The following PNLIPRP3 variants were observed in gnomAD, a reference collection of about 807,000 sequenced individuals.
The protein encoded by PNLIPRP3 is pancreatic lipase related protein 3.
PNLIPRP3 carries 58 observed loss-of-function variants against 52.8 expected under a neutral mutation model. The ratio of observed to expected loss-of-function variants is 1.10; its 90% CI spans 0.89 to 1.37. The LOEUF (loss-of-function observed/expected upper bound fraction) is 1.37. PNLIPRP3 is among the 40% of genes most tolerant of loss of function. PNLIPRP3 has a pLI of 0.00. For synonymous variants in PNLIPRP3, 192 were observed against 185.0 expected (o/e 1.04, Z -0.31); for missense variants, 593 against 561.6 (o/e 1.06, Z -0.57).
Position 116,445,071 on chromosome 10 carries a change from G to C in PNLIPRP3, c.456+558G>C, listed in dbSNP as rs548061875. On this transcript the variant is annotated intron_variant, in intron 4 of 11. Coordinates refer to ENST00000369230, the MANE Select transcript of PNLIPRP3 (RefSeq NM_001011709.3). ...AAGTAATTTCCCACCCTAAAATGCA[G>C]TGTAGTAAAATCTAAAGATGCATAA... 8.2e-4 allele frequency among the ~76,000 whole-genome samples: 125 copies of C among 152,314 alleles called. 1 individual carries two copies. Among genetic ancestry groups the C allele is most frequent in the South Asian group, 6.4e-3 (31 of 4,826 alleles).
intron 9 of PNLIPRP3, among the ~76,000 whole-genome samples, chr10:116,470,155 T>C (rs1268561580): frequency 1.8e-5 from 1 of 55,456 alleles, no homozygotes; most frequent in African/African-American, 5.7e-5. Context: ...TGGAGCAAGA[T>C]GATAGGCTAG....
rs1845912391 is a variant in PNLIPRP3 at position 116,444,420 on chromosome 10, A to G, written c.363A>G (p.Leu121=). 6.2e-7 allele frequency: 1 copy of G among 1,612,150 alleles called. No individual in the cohort carries two copies. Among genetic ancestry groups the G allele is most frequent in the Non-Finnish European group, 8.5e-7 (1 of 1,178,460 alleles). ...LQLEDINCIN[L]DWINGSREYI... ...TGGAAGATATAAATTGCATTAATTT[A>G]GATTGGATCAACGGTTCACGGGAAT... The change falls in exon 4 of 12, where the codon TTA becomes TTG. Residue 121 remains leucine (L), a synonymous_variant. Coordinates refer to ENST00000369230, the MANE Select transcript of PNLIPRP3 (RefSeq NM_001011709.3).
chr10:116,455,061 G>C (rs565741196), intron 4 of PNLIPRP3, among the ~76,000 whole-genome samples: 1 of 152,110 alleles, frequency 6.6e-6, no homozygotes, highest in South Asian at 2.1e-4. Context: ...TAATTTATAA[G>C]AGACATTCTA....
intron 4 of PNLIPRP3, among the ~76,000 whole-genome samples, chr10:116,452,039 G>C (rs1320895092): frequency 6.6e-6 from 1 of 152,188 alleles, no homozygotes; most frequent in East Asian, 1.9e-4. Flanking sequence ...GATATGGACA[G>C]TGAAATCCAG....
At chr10:116,450,951 T>C (rs2066236739) in intron 4 of PNLIPRP3, among the ~76,000 whole-genome samples, 2 of 151,868 alleles carry the variant, frequency 1.3e-5, no homozygotes, top group South Asian at 4.2e-4. Flanking sequence ...AATTGTGAAA[T>C]GTATATGGAA....
chr10:116,453,342 T>G (rs1259509672), intron 4 of PNLIPRP3, among the ~76,000 whole-genome samples: 1 of 152,182 alleles, frequency 6.6e-6, no homozygotes, highest in East Asian at 1.9e-4. Flanking sequence ...GAACTTGGCC[T>G]TGAGTCTCAG....
At chr10:116,438,206 C>A (rs1455307204) in intron 2 of PNLIPRP3, among the ~76,000 whole-genome samples, 1 of 152,144 alleles carries the variant, frequency 6.6e-6, no homozygotes, top group Non-Finnish European at 1.5e-5. Context: ...ATTCAAAAGT[C>A]TTCTGGCTGG....
At chr10:116,432,975 G>A (rs1845727685) in intron 1 of PNLIPRP3, among the ~76,000 whole-genome samples, 1 of 151,564 alleles carries the variant, frequency 6.6e-6, no homozygotes, top group Admixed American at 6.6e-5. Flanking sequence ...TTAGCCAGGT[G>A]TGGAGGTGCA....
At chr10:116,457,464 AT>A (rs1419413141) in intron 5 of PNLIPRP3, among the ~76,000 whole-genome samples, 1 of 152,138 alleles carries the variant, frequency 6.6e-6, no homozygotes, top group Non-Finnish European at 1.5e-5. Flanking sequence ...AATTGGGATT[AT>A]TTTGTCTCTG....
At chr10:116,438,746 C>T (rs1462208837) in intron 2 of PNLIPRP3, among the ~76,000 whole-genome samples, 4 of 152,016 alleles carry the variant, frequency 2.6e-5, no homozygotes, top group Admixed American at 2.6e-4. Context: ...CAGGCCTGAC[C>T]CATATGTTAT....
chr10:116,477,768 T>C lies in PNLIPRP3; in HGVS notation c.*615T>C, dbSNP rs1222433251. On this transcript the variant is annotated 3_prime_UTR_variant, in exon 12 of 12. Coordinates refer to ENST00000369230, the MANE Select transcript of PNLIPRP3 (RefSeq NM_001011709.3). Reference sequence around the variant, plus strand: ...CTGTTATGTGTTCATCAGTTAGCAATGGGACCTGAAGTTCAACAACCCAGG... The same window carrying C: ...CTGTTATGTGTTCATCAGTTAGCAACGGGACCTGAAGTTCAACAACCCAGG... 7 of 152,142 alleles carry C rather than the reference T, an allele frequency of 4.6e-5. No individual in the cohort carries two copies. Among genetic ancestry groups the C allele is most frequent in the African/African-American group, 1.7e-4 (7 of 41,426 alleles). The allele number at this position is 152,142 out of a possible 1,614,324, so 9.4% of individuals were successfully genotyped here. A position where few individuals can be genotyped will look rare whatever the true frequency, so the allele number is the denominator to read the frequency against.
intron 11 of PNLIPRP3, 82 bp from the exon 12 acceptor site, chr10:116,477,008 A>G: frequency 7.8e-7 from 1 of 1,281,572 alleles, no homozygotes; most frequent in Non-Finnish European, 1.1e-6. Context: ...AGAATTACTC[A>G]TTAAATCGGG....
chr10:116,461,544 T>G (rs982439844), intron 7 of PNLIPRP3, among the ~76,000 whole-genome samples: 3 of 152,220 alleles, frequency 2.0e-5, no homozygotes, highest in Non-Finnish European at 4.4e-5. Context: ...AAGGAAGGTG[T>G]GTTATTCACT....
intron 9 of PNLIPRP3, 95 bp downstream of exon 9, chr10:116,469,412 A>C (rs947209258): frequency 7.9e-7 from 1 of 1,260,836 alleles, no homozygotes; most frequent in African/African-American, 1.5e-5. Flanking sequence ...ATAACTGGGC[A>C]TTAGGCCAGA....
intron 10 of PNLIPRP3, among the ~76,000 whole-genome samples, chr10:116,476,286 A>G (rs941567227): frequency 3.3e-5 from 5 of 152,162 alleles, no homozygotes; most frequent in East Asian, 1.9e-4. Flanking sequence ...TGGTTTGTAG[A>G]TAAGTCTTGT....
At chr10:116,469,047 G>T in intron 8 of PNLIPRP3, 138 bp from the exon 9 acceptor site, 1 of 793,694 alleles carries the variant, frequency 1.3e-6, no homozygotes, top group Non-Finnish European at 1.8e-6. Context: ...AGACATGGTG[G>T]CCTGTTAGGC....
intron 10 of PNLIPRP3, among the ~76,000 whole-genome samples, chr10:116,472,581 G>A (rs1157541459): frequency 5.9e-5 from 9 of 152,176 alleles, no homozygotes; most frequent in Admixed American, 3.3e-4. Context: ...GCACAGGCAC[G>A]AAAAGCAGAG....
At chr10:116,464,534 G>A (rs1224718550) in intron 7 of PNLIPRP3, among the ~76,000 whole-genome samples, 2 of 152,350 alleles carry the variant, frequency 1.3e-5, no homozygotes, top group Admixed American at 6.5e-5. Flanking sequence ...GCCCACTGCT[G>A]TGGTAGGGCA....
At chr10:116,437,522 GA>G (rs1417111859) in intron 2 of PNLIPRP3, among the ~76,000 whole-genome samples, 2 of 152,196 alleles carry the variant, frequency 1.3e-5, no homozygotes, top group African/African-American at 4.8e-5. Context: ...GGCAGAGAAG[GA>G]GTCTTCAAAA....
Sources: allele counts gnomAD v4.1 joint callset (sites outside exome capture counted in the v4.1 genomes callset), GRCh38; gene constraint gnomAD v4.1.1; transcripts MANE v1.5; gene names NCBI Gene and HGNC (gene_info 2026-07-23, HGNC 2026-07-21).